The following NPAS3 variants were observed in gnomAD, a reference collection of about 807,000 sequenced individuals.
The protein encoded by NPAS3 is neuronal PAS domain-containing protein 3.
NPAS3 carries 14 observed loss-of-function variants against 73.1 expected under a neutral mutation model. The observed-to-expected ratio is 0.19, with a 90% CI of 0.13 to 0.30. The LOEUF is 0.30. Ranked by LOEUF, NPAS3 falls within the 10% of genes least tolerant of loss-of-function variation. The probability of loss-of-function intolerance (pLI) is 1.00; values close to 1 mark genes in which losing one functional copy is unlikely to be tolerated. For missense variants in NPAS3, 1,096 were observed against 1,250.0 expected, an observed-to-expected ratio of 0.88 and a Z score of 1.86; for synonymous variants, 620 against 541.5, an observed-to-expected ratio of 1.14 and a Z score of -2.01.
In NPAS3 at chr14:33,589,353, T is replaced by C. The variant is rs1595222247; in HGVS notation, c.558+29143T>C. Among the ~76,000 whole-genome samples, 4 of 152,304 alleles carry C rather than the reference T, an allele frequency of 2.6e-5. No individual in the cohort carries two copies. The East Asian group carries it at 7.7e-4, about 29-fold the overall frequency. On this transcript the variant is annotated intron_variant, in intron 5 of 11. Coordinates refer to ENST00000356141, the Ensembl canonical transcript of NPAS3. Reference sequence around the variant, plus strand: ...TGACAGTGAGGAAGAACAATCAATATAAGAAGCTAGTACAGCCAGAACATG... The same window carrying C: ...TGACAGTGAGGAAGAACAATCAATACAAGAAGCTAGTACAGCCAGAACATG...
At chr14:33,676,170 A>G (rs1595414811) in intron 5 of NPAS3, 41 bp from the exon 6 acceptor site, 2 of 1,602,488 alleles carry the variant, frequency 1.2e-6, no homozygotes, top group African/African-American at 1.3e-5. Flanking sequence ...GGAGAAGCCT[A>G]TATAATGTCT....
chr14:33,768,476 A>G (rs569816038), intron 7 of NPAS3, among the ~76,000 whole-genome samples: 4 of 152,188 alleles, frequency 2.6e-5, no homozygotes, highest in Non-Finnish European at 5.9e-5. Flanking sequence ...TAAGATCCCT[A>G]CTAATGAATT....
At chr14:33,379,476 G>T (rs561731154) in intron 4 of NPAS3, among the ~76,000 whole-genome samples, 1 of 152,128 alleles carries the variant, frequency 6.6e-6, no homozygotes, top group Non-Finnish European at 1.5e-5. Flanking sequence ...CCAGATTACT[G>T]TGTTCTTCTT....
intron 2 of NPAS3, among the ~76,000 whole-genome samples, chr14:33,158,822 T>C (rs976916636): frequency 6.6e-6 from 1 of 152,176 alleles, no homozygotes; most frequent in African/African-American, 2.4e-5. Flanking sequence ...ATTTGATTAT[T>C]GTAGTTAGGG....
intron 11 of NPAS3, among the ~76,000 whole-genome samples, chr14:33,798,413 C>G (rs1414038345): frequency 6.6e-6 from 1 of 152,136 alleles, no homozygotes; most frequent in African/African-American, 2.4e-5. Flanking sequence ...TCTTTTAACC[C>G]TACCTCTTCT....
chr14:33,252,465 T>G (rs965755186), intron 3 of NPAS3, among the ~76,000 whole-genome samples: 4 of 152,006 alleles, frequency 2.6e-5, no homozygotes, highest in African/African-American at 9.7e-5. Flanking sequence ...TAGTAGGTAT[T>G]CTTATATATG....
intron 3 of NPAS3, among the ~76,000 whole-genome samples, chr14:33,260,672 G>A (rs546933089): frequency 1.3e-5 from 2 of 151,970 alleles, no homozygotes; most frequent in Admixed American, 6.5e-5. Flanking sequence ...GTTTCTCACC[G>A]ATAACAGTTT....
intron 4 of NPAS3, among the ~76,000 whole-genome samples, chr14:33,557,530 CAT>C (rs879446630): frequency 7.2e-5 from 11 of 152,306 alleles, no homozygotes; most frequent in Admixed American, 6.5e-4. Flanking sequence ...TTAATTTACA[CAT>C]GTCAATTAGA....
intron 4 of NPAS3, among the ~76,000 whole-genome samples, chr14:33,554,449 T>C (rs1390462889): frequency 5.3e-5 from 8 of 152,214 alleles, no homozygotes; most frequent in Non-Finnish European, 1.2e-4. Context: ...AGCACATGCA[T>C]GCATTTAAAT....
intron 2 of NPAS3, among the ~76,000 whole-genome samples, chr14:33,122,685 A>G (rs967105961): frequency 1.3e-5 from 2 of 152,120 alleles, no homozygotes; most frequent in African/African-American, 4.8e-5. Context: ...GGGGGCTCAA[A>G]TGTTTAATTG....
intron 5 of NPAS3, among the ~76,000 whole-genome samples, chr14:33,587,031 G>T (rs1234334876): frequency 1.3e-5 from 2 of 152,094 alleles, no homozygotes; most frequent in Non-Finnish European, 2.9e-5. Context: ...CTGAGTGCCT[G>T]GTCCTGTTCT....
chr14:33,489,223 T>C (rs2051767432), intron 4 of NPAS3, among the ~76,000 whole-genome samples: 1 of 152,188 alleles, frequency 6.6e-6, no homozygotes, highest in Non-Finnish European at 1.5e-5. Context: ...CTGTGTACAA[T>C]TTCTACTCTT....
At chr14:33,794,385 C>T (rs1482387757) in intron 10 of NPAS3, among the ~76,000 whole-genome samples, 1 of 152,188 alleles carries the variant, frequency 6.6e-6, no homozygotes, top group Non-Finnish European at 1.5e-5. Flanking sequence ...AAAAGCATCT[C>T]CTCTTCCCCA....
intron 3 of NPAS3, among the ~76,000 whole-genome samples, chr14:33,314,118 ATATC>A (rs1176205697): frequency 1.3e-5 from 2 of 152,054 alleles, no homozygotes; most frequent in African/African-American, 4.8e-5. Context: ...TTGTAAATAA[ATATC>A]TAGCTTAGAT....
chr14:33,181,875 C>T (rs1206256872), intron 2 of NPAS3, among the ~76,000 whole-genome samples: 1 of 152,152 alleles, frequency 6.6e-6, no homozygotes, highest in African/African-American at 2.4e-5. Flanking sequence ...TTTAGAAATG[C>T]TTTTCTGTCT....
At chr14:33,223,837 A>C (rs980713425) in intron 3 of NPAS3, among the ~76,000 whole-genome samples, 8 of 53,228 alleles carry the variant, frequency 1.5e-4, no homozygotes, top group African/African-American at 6.9e-4. Flanking sequence ...AATGTATGGC[A>C]AAAAAAAAAA....
At chr14:33,669,258 C>A (rs1210271096) in intron 5 of NPAS3, among the ~76,000 whole-genome samples, 2 of 152,208 alleles carry the variant, frequency 1.3e-5, no homozygotes, top group Non-Finnish European at 2.9e-5. Context: ...CTAACAGCAT[C>A]CTTTTGCCTT....
chr14:33,564,470 C>T (rs1725075653), intron 5 of NPAS3, among the ~76,000 whole-genome samples: 1 of 152,224 alleles, frequency 6.6e-6, no homozygotes, highest in African/African-American at 2.4e-5. Context: ...ATCTCATAAG[C>T]AGGCAGAAGC....
intron 9 of NPAS3, among the ~76,000 whole-genome samples, chr14:33,790,493 G>C (rs2063325653): frequency 6.6e-6 from 1 of 151,170 alleles, no homozygotes; most frequent in Non-Finnish European, 1.5e-5. Context: ...TTCAGGAAAA[G>C]CTGTCAGATC....
Sources: allele counts gnomAD v4.1 joint callset (sites outside exome capture counted in the v4.1 genomes callset), GRCh38; gene constraint gnomAD v4.1.1; transcripts MANE v1.5; gene names NCBI Gene and HGNC (gene_info 2026-07-23, HGNC 2026-07-21).